The following CALN1 variants were observed in gnomAD, a reference collection of about 807,000 sequenced individuals.
The protein encoded by CALN1 is calcium-binding protein 8.
Under a neutral mutation model 30.6 loss-of-function variants are expected in CALN1, and 17 were observed. The observed-to-expected ratio is 0.56, with a 90% CI of 0.38 to 0.83. The LOEUF (loss-of-function observed/expected upper bound fraction) is 0.83, where lower values mean the gene tolerates loss of function less well. Ranked by LOEUF, CALN1 falls within the 40% of genes least tolerant of loss-of-function variation. CALN1 has a pLI of 0.00. For synonymous variants in CALN1, 156 were observed against 131.4 expected (o/e 1.19, Z -1.28); for missense variants, 291 against 354.9 (o/e 0.82, Z 1.45).
the CALN1 span, among the ~76,000 whole-genome samples, chr7:72,488,528 A>T: frequency 6.6e-6 from 1 of 152,126 alleles, no homozygotes; most frequent in African/African-American, 2.4e-5. Flanking sequence ...GATACCAGAG[A>T]ATCATTGTTA....
intron 6 of CALN1, among the ~76,000 whole-genome samples, chr7:71,809,488 A>AG (rs1294348903): frequency 6.6e-6 from 1 of 151,626 alleles, no homozygotes; most frequent in African/African-American, 2.4e-5. Context: ...AGAAAAGAAA[A>AG]GAAAAAAAAT....
chr7:71,819,229 A>G (rs1327764656), intron 5 of CALN1, among the ~76,000 whole-genome samples: 3 of 144,650 alleles, frequency 2.1e-5, no homozygotes, highest in African/African-American at 7.7e-5. Flanking sequence ...TTTTTTTGAG[A>G]CAGGGTTTCA....
chr7:72,397,868 TCCATTATAAGC>T (rs1359403652), intron 2 of CALN1, among the ~76,000 whole-genome samples: 4 of 152,048 alleles, frequency 2.6e-5, no homozygotes, highest in African/African-American at 9.7e-5. Flanking sequence ...GCCTAGCCCT[TCCATTATAAGC>T]CAAGGATGAG....
chr7:72,125,089 T>G (rs1808651675), intron 3 of CALN1, among the ~76,000 whole-genome samples: 1 of 152,156 alleles, frequency 6.6e-6, no homozygotes, highest in African/African-American at 2.4e-5. Context: ...CGTGCAATGG[T>G]GCAACCTTGG....
chr7:72,169,490 T>TTTA (rs768140836), intron 3 of CALN1, among the ~76,000 whole-genome samples: 37,007 of 89,228 alleles, frequency 0.41, 5,498 homozygotes, highest in Non-Finnish European at 0.45. Context: ...CAGCTGATTA[T>TTTA]TTTTTTTTTT....
chr7:72,076,646 A>G lies in CALN1; in HGVS notation c.388+29505T>C, dbSNP rs844745. ...AAAAAAAAAAAAAAAAAAAAAAAAA[A>G]AGCAAAGACATGCCCTCCTGCTGTC... On this transcript the variant is annotated intron_variant, in intron 4 of 6. Coordinates refer to ENST00000395275, the MANE Select transcript of CALN1 (RefSeq NM_031468.4). 6.0e-3 allele frequency among the ~76,000 whole-genome samples: 747 copies of G among 124,570 alleles called. 9 individuals carry two copies. The highest frequency in any genetic ancestry group is 0.023 in the African/African-American group (712 of 31,158). 81.7% of individuals were successfully genotyped at this position (124,570 alleles called of 152,430 possible).
intron 2 of CALN1, among the ~76,000 whole-genome samples, chr7:72,354,930 G>C (rs926102259): frequency 1.2e-4 from 17 of 147,066 alleles, no homozygotes; most frequent in African/African-American, 4.3e-4. Context: ...TTTCCCTTGA[G>C]ACAGGGTCTC....
chr7:72,018,707 G>A (rs575097880), intron 5 of CALN1, among the ~76,000 whole-genome samples: 1 of 152,214 alleles, frequency 6.6e-6, no homozygotes, highest in South Asian at 2.1e-4. Flanking sequence ...AAGAGCCAGG[G>A]GCTCATAACT....
intron 5 of CALN1, among the ~76,000 whole-genome samples, chr7:71,997,233 TAA>T (rs557353720): frequency 1.5e-5 from 2 of 133,534 alleles, no homozygotes. Flanking sequence ...ATCCTGTCTC[TAA>T]AAAAAAAAAG....
chr7:72,243,437 T>C (rs1794969683), intron 3 of CALN1, among the ~76,000 whole-genome samples: 1 of 152,206 alleles, frequency 6.6e-6, no homozygotes, highest in Non-Finnish European at 1.5e-5. Context: ...TACTCCCAAC[T>C]GTCTAACGTT....
At chr7:72,275,025 T>C (rs1195531415) in intron 3 of CALN1, among the ~76,000 whole-genome samples, 1 of 152,108 alleles carries the variant, frequency 6.6e-6, no homozygotes, top group Non-Finnish European at 1.5e-5. Context: ...TGCACACCTT[T>C]GGCCCTTACA....
intron 3 of CALN1, among the ~76,000 whole-genome samples, chr7:72,180,371 T>A (rs1789677830): frequency 6.6e-6 from 1 of 152,110 alleles, no homozygotes; most frequent in South Asian, 2.1e-4. Flanking sequence ...CATTGTCAAG[T>A]TCTCCATAAA....
At chr7:72,269,067 T>C (rs1307309525) in intron 3 of CALN1, among the ~76,000 whole-genome samples, 2 of 152,062 alleles carry the variant, frequency 1.3e-5, no homozygotes, top group East Asian at 3.9e-4. Flanking sequence ...ACAATTCACG[T>C]AGTAGCTGCA....
intron 6 of CALN1, among the ~76,000 whole-genome samples, chr7:71,807,216 C>T (rs1283931398): frequency 6.6e-6 from 1 of 152,096 alleles, no homozygotes; most frequent in Non-Finnish European, 1.5e-5. Context: ...CCAACGGGCC[C>T]CCGTTTGTGG....
intron 5 of CALN1, among the ~76,000 whole-genome samples, chr7:71,897,965 C>CAAAAAA (rs1217388366): frequency 1.3e-4 from 7 of 55,142 alleles, no homozygotes; most frequent in Non-Finnish European, 1.4e-4. Context: ...TGGAAAAAAA[C>CAAAAAA]AAAAAACAAA....
intron 5 of CALN1, among the ~76,000 whole-genome samples, chr7:71,864,002 T>C (rs1791449715): frequency 6.6e-6 from 1 of 152,222 alleles, no homozygotes; most frequent in South Asian, 2.1e-4. Context: ...CAAAGTCCTA[T>C]TCCCCTATTC....
At chr7:72,133,957 A>G (rs1412950463) in intron 3 of CALN1, among the ~76,000 whole-genome samples, 39 of 152,236 alleles carry the variant, frequency 2.6e-4, no homozygotes, top group Admixed American at 2.6e-3. Context: ...GTTCTCTTCA[A>G]AATTCTTCAA....
At chr7:72,120,317 T>C (rs369153566) in intron 3 of CALN1, among the ~76,000 whole-genome samples, 1 of 152,208 alleles carries the variant, frequency 6.6e-6, no homozygotes. Flanking sequence ...TATAGCTTTA[T>C]ATCATTTTTT....
At position 71,896,140 on chromosome 7, in the gene CALN1, T is replaced by C. The variant is rs556274715; in HGVS notation, c.502-85648A>G. Among the ~76,000 whole-genome samples the C allele has an allele frequency of 2.6e-5, 4 of 152,316 alleles. No homozygotes were observed. In the East Asian group the frequency reaches 7.7e-4, roughly 29 times the overall value. On this transcript the variant is annotated intron_variant, in intron 5 of 6. Transcript: ENST00000395275. ...TCACAATACCTTTCCATTTTAATAA[T>C]ATACGCTTTAATGTTTTTTAACCGT...
Sources: gnomAD v4.1 joint callset for allele counts (sites outside exome capture counted in the v4.1 genomes callset) on GRCh38, gnomAD v4.1.1 for gene constraint, MANE v1.5 for transcripts, NCBI Gene and HGNC (gene_info 2026-07-23, HGNC 2026-07-21) for gene names.